Variants in IDE observed in about 807,000 individuals in gnomAD.
IDE encodes the protein insulin-degrading enzyme.
IDE carries 58 observed loss-of-function variants against 133.2 expected under a neutral mutation model. The ratio of observed to expected loss-of-function variants is 0.44; its 90% CI spans 0.35 to 0.54. The LOEUF is 0.54. IDE is among the 20% of genes least tolerant of loss of function. The pLI, the probability that IDE is intolerant of heterozygous loss-of-function variation, is 0.00. For missense variants in IDE, 981 were observed against 1,234.0 expected (o/e 0.79, Z 3.07); for synonymous variants, 396 against 421.3 (o/e 0.94, Z 0.73).
intron 5 of IDE, among the ~76,000 whole-genome samples, chr10:92,510,633 A>G (rs1268447088): frequency 6.6e-6 from 1 of 151,602 alleles, no homozygotes; most frequent in East Asian, 1.9e-4. Flanking sequence ...GTGTGTGTAT[A>G]TATATATCAC....
chr10:92,510,979 A>C (rs1214935949), intron 5 of IDE, among the ~76,000 whole-genome samples: 1 of 150,966 alleles, frequency 6.6e-6, no homozygotes, highest in African/African-American at 2.4e-5. Flanking sequence ...CAGCAGTCAT[A>C]GGATGGAATA....
At chr10:92,508,616 C>A in intron 7 of IDE, 112 bp downstream of exon 7, 1 of 945,046 alleles carries the variant, frequency 1.1e-6, no homozygotes. Context: ...CTCACTAACC[C>A]AAAATGGTCA....
Position 92,460,274 on chromosome 10 carries a change from AT to A in IDE, c.2823+916del, listed in dbSNP as rs562408155. Among the ~76,000 whole-genome samples the A allele has an allele frequency of 3.5e-3, 529 of 152,308 alleles. 1 individual carries two copies. Among genetic ancestry groups the A allele is most frequent in the African/African-American group, 0.012 (514 of 41,564 alleles). On this transcript the variant is annotated intron_variant, in intron 22 of 24. Transcript: ENST00000265986. ...ACAATTCAAAGGTGAGTAATCATTT[AT>A]TTTAAAAAGCAGCCACAGTGGCACC...
At chr10:92,520,392 A>G (rs1849157948) in intron 4 of IDE, among the ~76,000 whole-genome samples, 2 of 152,322 alleles carry the variant, frequency 1.3e-5, no homozygotes, top group South Asian at 4.1e-4. Context: ...AGCCAGCAAT[A>G]TATTTCTTAT....
chr10:92,485,125 C>CTTTT (rs34615998), intron 13 of IDE, among the ~76,000 whole-genome samples: 231 of 100,812 alleles, frequency 2.3e-3, no homozygotes, highest in Middle Eastern at 5.0e-3. Flanking sequence ...TTCTTTCTTT[C>CTTTT]TTTTTTTTTT....
rs768097083 is a variant in IDE, at chr10:92,454,504, A to G, written c.3000T>C (p.Arg1000=). ...EVIQNMTEFK[R]GLPLFPLVKP... ...TCACAAGGGGAAACAGTGGCAGACCACGCTTGAATTCGGTCATGTTCTGAA... is the reference window on the plus strand; with the variant it reads ...TCACAAGGGGAAACAGTGGCAGACCGCGCTTGAATTCGGTCATGTTCTGAA... The change falls in exon 25 of 25, where the codon CGT becomes CGC. Residue 1000 remains arginine, a synonymous_variant. Transcript: ENST00000265986. 1 of 1,614,060 alleles carries G rather than the reference A, an allele frequency of 6.2e-7. No homozygotes were observed. Among genetic ancestry groups the G allele is most frequent in the Non-Finnish European group, 8.5e-7 (1 of 1,179,880 alleles).
chr10:92,533,715 C>CAAAA (rs35455474), intron 3 of IDE, among the ~76,000 whole-genome samples: 1 of 119,348 alleles, frequency 8.4e-6, no homozygotes, highest in Non-Finnish European at 1.8e-5. Flanking sequence ...AAAAATTGAC[C>CAAAA]AAAAAAAAAA....
chr10:92,481,161 G>A (rs1043665430), intron 14 of IDE, among the ~76,000 whole-genome samples: 7 of 152,160 alleles, frequency 4.6e-5, no homozygotes, highest in African/African-American at 1.7e-4. Flanking sequence ...ATATCACAGA[G>A]GTCGGCCCCA....
At chr10:92,465,905 A>G in intron 19 of IDE, 62 bp from the exon 20 acceptor site, 1 of 1,357,360 alleles carries the variant, frequency 7.4e-7, no homozygotes, top group African/African-American at 1.4e-5. Flanking sequence ...AATAAAGTCA[A>G]TGCTATGTCT....
intron 1 of IDE, among the ~76,000 whole-genome samples, chr10:92,569,194 A>C (rs115027095): frequency 1.8e-4 from 28 of 152,362 alleles, no homozygotes; most frequent in African/African-American, 6.2e-4. Flanking sequence ...AGGTCATGTA[A>C]AAGGAGACAG....
intron 11 of IDE, 93 bp from the exon 12 acceptor site, chr10:92,490,688 C>A: frequency 1.3e-6 from 1 of 774,982 alleles, no homozygotes; most frequent in East Asian, 2.4e-5. Context: ...TAAACAATAT[C>A]CAAGAATGTG....
At chr10:92,525,513 T>C (rs576232322) in intron 4 of IDE, among the ~76,000 whole-genome samples, 6 of 152,236 alleles carry the variant, frequency 3.9e-5, no homozygotes, top group African/African-American at 7.2e-5. Context: ...TACCACTTTA[T>C]ACAGCATAGC....
intron 1 of IDE, among the ~76,000 whole-genome samples, chr10:92,559,612 A>G (rs1204192058): frequency 6.6e-6 from 1 of 152,232 alleles, no homozygotes; most frequent in Non-Finnish European, 1.5e-5. Context: ...GGCTCAGGGA[A>G]GAGTGGAATA....
rs1843939846 is a variant in IDE, at chr10:92,574,088, G to A, written c.-69C>T. On this transcript the variant is annotated 5_prime_UTR_variant, in exon 1 of 25. Coordinates refer to ENST00000265986, the MANE Select transcript of IDE (RefSeq NM_004969.4). Reference sequence around the variant, plus strand: ...GCGCTTCGAGCCGGCCCTGCGCACTGCGCATGCTCTAGCCGCGGCGCCGCG... The same window carrying A: ...GCGCTTCGAGCCGGCCCTGCGCACTACGCATGCTCTAGCCGCGGCGCCGCG... 2.3e-6 allele frequency: 3 copies of A among 1,277,180 alleles called. No homozygotes were observed. The highest frequency in any genetic ancestry group is 3.2e-6 in the Non-Finnish European group (3 of 946,632). The allele number at this position is 1,277,180 out of a possible 1,614,324, so 79.1% of individuals were successfully genotyped here.
chr10:92,573,157 C>G, intron 1 of IDE: 1 of 985,436 alleles, frequency 1.0e-6, no homozygotes, highest in Non-Finnish European at 1.2e-6. Context: ...AGCCTGAAAA[C>G]GCCTAGCGTA....
chr10:92,564,163 GA>G (rs1200118601), intron 1 of IDE, among the ~76,000 whole-genome samples: 2 of 152,118 alleles, frequency 1.3e-5, no homozygotes, highest in East Asian at 3.9e-4. Context: ...AACTACTCTT[GA>G]ATGAAGGAGC....
chr10:92,523,050 A>T (rs1471352441), intron 4 of IDE, among the ~76,000 whole-genome samples: 1 of 152,116 alleles, frequency 6.6e-6, no homozygotes, highest in African/African-American at 2.4e-5. Flanking sequence ...AGGGGGACTA[A>T]AAAAATTACT....
intron 20 of IDE, among the ~76,000 whole-genome samples, chr10:92,465,160 T>C (rs1180173582): frequency 6.6e-6 from 1 of 152,224 alleles, no homozygotes; most frequent in Non-Finnish European, 1.5e-5. Flanking sequence ...CATCCTTTTT[T>C]CACTGGTTCC....
Position 92,454,242 on chromosome 10 carries a change from T to A in IDE, c.*202A>T, listed in dbSNP as rs1186910940. The A allele has an allele frequency of 2.3e-6, 1 of 439,250 alleles. No homozygotes were observed. The highest frequency in any genetic ancestry group is 3.5e-5 in the East Asian group (1 of 28,386). 27.2% of individuals were successfully genotyped at this position (439,250 alleles called of 1,614,324 possible). On this transcript the variant is annotated 3_prime_UTR_variant, in exon 25 of 25. Transcript: ENST00000265986. ...AAAATTTTAAAATATTTAAGAGGCA[T>A]GTATTTAAAAAATATTCTACATCTA...
Sources: gnomAD v4.1 joint callset for allele counts (sites outside exome capture counted in the v4.1 genomes callset) on GRCh38, gnomAD v4.1.1 for gene constraint, MANE v1.5 for transcripts, NCBI Gene and HGNC (gene_info 2026-07-23, HGNC 2026-07-21) for gene names.